Variants in SEM1 observed in about 807,000 individuals in gnomAD.
SEM1 encodes 26S proteasome complex subunit SEM1.
SEM1 carries 3 observed loss-of-function variants against 12.7 expected under a neutral mutation model. The ratio of observed to expected loss-of-function variants is 0.24; its 90% confidence interval spans 0.11 to 0.61. The LOEUF (loss-of-function observed/expected upper bound fraction) is 0.61. SEM1 is among the 20% of genes least tolerant of loss of function. SEM1 has a pLI of 0.88. For synonymous variants in SEM1, 30 were observed against 27.8 expected (o/e 1.08, Z -0.25); for missense variants, 59 against 81.3 (o/e 0.73, Z 1.06).
chr7:96,669,103 G>A (rs1399795115), downstream of SEM1, among the ~76,000 whole-genome samples: 1 of 152,182 alleles, frequency 6.6e-6, no homozygotes, highest in Non-Finnish European at 1.5e-5. Context: ...GCCTCCAGAA[G>A]CATGCAGCAA....
intron 2 of SEM1, among the ~76,000 whole-genome samples, chr7:96,522,075 A>G (rs377439474): frequency 1.2e-4 from 19 of 152,088 alleles, no homozygotes; most frequent in African/African-American, 3.6e-4. Flanking sequence ...TTCAAAATCA[A>G]TTTTGCCAAA....
intron 2 of SEM1, among the ~76,000 whole-genome samples, chr7:96,508,374 A>G (rs1443283133): frequency 2.0e-5 from 3 of 152,168 alleles, no homozygotes; most frequent in Non-Finnish European, 4.4e-5. Context: ...CAATGATATC[A>G]TAACAATGTA....
intron 2 of SEM1, among the ~76,000 whole-genome samples, chr7:96,654,302 G>A (rs1034178503): frequency 6.6e-6 from 1 of 152,158 alleles, no homozygotes; most frequent in Non-Finnish European, 1.5e-5. Context: ...TAGGGCTGTG[G>A]AGTTGTGAAG....
chr7:96,496,565 A>T (rs1478542457), upstream of SEM1, among the ~76,000 whole-genome samples: 1 of 152,116 alleles, frequency 6.6e-6, no homozygotes, highest in African/African-American at 2.4e-5. Context: ...GATTTATAGA[A>T]CTCTCTAGTT....
At chr7:96,516,694 C>A (rs1804105865) in intron 2 of SEM1, among the ~76,000 whole-genome samples, 1 of 152,144 alleles carries the variant, frequency 6.6e-6, no homozygotes, top group African/African-American at 2.4e-5. Context: ...CAAAACTAAA[C>A]ATATTCTTAC....
intron 2 of SEM1, among the ~76,000 whole-genome samples, chr7:96,646,344 T>A (rs1419074252): frequency 2.6e-5 from 4 of 152,220 alleles, no homozygotes; most frequent in Non-Finnish European, 5.9e-5. Flanking sequence ...GCTGACCTCT[T>A]AACTACTTAG....
At chr7:96,491,452 G>A (rs1443590763) in intron 1 of SEM1, among the ~76,000 whole-genome samples, 2 of 152,116 alleles carry the variant, frequency 1.3e-5, no homozygotes, top group Non-Finnish European at 1.5e-5. Flanking sequence ...CTGAGCAAAC[G>A]TCAGCTTTCT....
At chr7:96,589,556 TC>T (rs771511375) in intron 2 of SEM1, among the ~76,000 whole-genome samples, 2 of 152,172 alleles carry the variant, frequency 1.3e-5, no homozygotes, top group African/African-American at 2.4e-5. Flanking sequence ...TGCTGAGACA[TC>T]CAACCCTCAT....
At chr7:96,643,383 G>T (rs1808678646) in intron 2 of SEM1, among the ~76,000 whole-genome samples, 1 of 151,690 alleles carries the variant, frequency 6.6e-6, no homozygotes, top group Admixed American at 6.6e-5. Flanking sequence ...AAGTTCTGGG[G>T]TACATGTACA....
chr7:96,537,730 T>C (rs1487323791), intron 2 of SEM1, among the ~76,000 whole-genome samples: 1 of 151,798 alleles, frequency 6.6e-6, no homozygotes, highest in Non-Finnish European at 1.5e-5. Flanking sequence ...GCCTAGATTT[T>C]TTGTTTCTTT....
chr7:96,533,097 T>G (rs1340713390), intron 2 of SEM1, among the ~76,000 whole-genome samples: 1 of 152,126 alleles, frequency 6.6e-6, no homozygotes. Flanking sequence ...GCAATATGAC[T>G]GTAAGCACAA....
At chr7:96,653,534 C>A (rs914450810) in intron 2 of SEM1, among the ~76,000 whole-genome samples, 1 of 152,110 alleles carries the variant, frequency 6.6e-6, no homozygotes, top group Non-Finnish European at 1.5e-5. Context: ...CAGGACCCAG[C>A]AATGGGAAGA....
chr7:96,662,135 C>T (rs1193091905), intron 2 of SEM1, among the ~76,000 whole-genome samples: 1 of 151,978 alleles, frequency 6.6e-6, no homozygotes, highest in Non-Finnish European at 1.5e-5. Flanking sequence ...GGATCTAGAA[C>T]CAGAAATGCC....
intron 2 of SEM1, among the ~76,000 whole-genome samples, chr7:96,658,967 T>C (rs1415702095): frequency 6.6e-6 from 1 of 152,032 alleles, no homozygotes; most frequent in East Asian, 1.9e-4. Context: ...TGCACAAAGG[T>C]ACCATATGAT....
intron 2 of SEM1, among the ~76,000 whole-genome samples, chr7:96,605,019 T>G (rs1807303559): frequency 3.3e-5 from 5 of 152,172 alleles, no homozygotes; most frequent in Non-Finnish European, 7.3e-5. Flanking sequence ...TTAAGCAATT[T>G]ACTCAACCTC....
intron 2 of SEM1, among the ~76,000 whole-genome samples, chr7:96,654,068 T>C (rs1206251442): frequency 6.6e-6 from 1 of 152,116 alleles, no homozygotes; most frequent in African/African-American, 2.4e-5. Context: ...TGCAGAGCAA[T>C]GATGAGAGTG....
intron 3 of SEM1, among the ~76,000 whole-genome samples, chr7:96,504,022 G>A (rs1803663101): frequency 6.6e-6 from 1 of 152,066 alleles, no homozygotes; most frequent in Admixed American, 6.6e-5. Flanking sequence ...CCTGCTGCAG[G>A]TAGTAGTTCT....
At chr7:96,584,151 T>A (rs1475758211) in intron 2 of SEM1, among the ~76,000 whole-genome samples, 3 of 152,302 alleles carry the variant, frequency 2.0e-5, no homozygotes, top group East Asian at 1.9e-4. Flanking sequence ...GAGCTCTTTT[T>A]GGGTAGGCCT....
upstream of SEM1, chr7:96,496,467 C>T (rs1803266147): frequency 3.8e-6 from 2 of 531,808 alleles, no homozygotes; most frequent in Admixed American, 3.6e-5. Context: ...ATGTTTTCTC[C>T]TATTTATTTC....
Sources: gnomAD v4.1 joint callset for allele counts (sites outside exome capture counted in the v4.1 genomes callset) on GRCh38, gnomAD v4.1.1 for gene constraint, MANE v1.5 for transcripts, NCBI Gene and HGNC (gene_info 2026-07-23, HGNC 2026-07-21) for gene names.